The following KRT80 variants were observed in gnomAD, a reference collection of about 807,000 sequenced individuals.
KRT80 encodes keratin, type II cytoskeletal 80.
A neutral mutation model predicts 51.5 loss-of-function variants in KRT80; 36 were observed. That is an observed-to-expected ratio of 0.70 (90% CI 0.54 to 0.92). KRT80 has a LOEUF of 0.92. KRT80 is among the 40% of genes least tolerant of loss of function. The pLI is 0.00. For synonymous variants in KRT80, 235 were observed against 248.3 expected (o/e 0.95, Z 0.50); for missense variants, 566 against 591.7 (o/e 0.96, Z 0.45).
At chr12:52,177,372 T>C (rs748832352) in intron 4 of KRT80, among the ~76,000 whole-genome samples, 1 of 152,170 alleles carries the variant, frequency 6.6e-6, no homozygotes, top group Non-Finnish European at 1.5e-5. Context: ...TGTGCCTGGC[T>C]GCAGGGGGTT....
intron 3 of KRT80, 70 bp from the exon 4 acceptor site, chr12:52,180,678 G>C (rs1183213941): frequency 3.0e-5 from 47 of 1,579,430 alleles, no homozygotes; most frequent in Non-Finnish European, 4.0e-5. Context: ...TGGGCTGGGG[G>C]GCTGCCTCCT....
chr12:52,181,815 G>A (rs1013097699), intron 2 of KRT80, among the ~76,000 whole-genome samples: 1 of 152,216 alleles, frequency 6.6e-6, no homozygotes, highest in African/African-American at 2.4e-5. Context: ...CCCCAGGGTG[G>A]GTGTCTGCTG....
At chr12:52,188,862 G>A (rs764384748) in intron 1 of KRT80, among the ~76,000 whole-genome samples, 3 of 152,150 alleles carry the variant, frequency 2.0e-5, no homozygotes, top group South Asian at 2.1e-4. Flanking sequence ...TCGGCCTTGC[G>A]CCCTCCCTGC....
intron 1 of KRT80, among the ~76,000 whole-genome samples, chr12:52,188,972 C>T (rs947058119): frequency 6.6e-6 from 1 of 152,184 alleles, no homozygotes. Context: ...TCAGGACCAC[C>T]GGCAGAGCAG....
intron 3 of KRT80, 145 bp downstream of exon 3, chr12:52,180,758 G>A: frequency 1.3e-6 from 2 of 1,586,280 alleles, no homozygotes; most frequent in Non-Finnish European, 1.7e-6. Flanking sequence ...GATGGGGATG[G>A]GGGTATCTCC....
intron 2 of KRT80, among the ~76,000 whole-genome samples, chr12:52,183,628 G>A (rs888117938): frequency 5.9e-5 from 9 of 152,372 alleles, no homozygotes; most frequent in South Asian, 4.1e-4. Flanking sequence ...GGTAGCAGGC[G>A]GATAGAAACC....
In KRT80 at chr12:52,173,669, C is replaced by A. The variant is rs758208774; in HGVS notation, c.762G>T (p.Glu254Asp). The change falls in exon 5 of 9, where the codon GAG (glutamate) becomes GAT (aspartate). Residue 254 changes from glutamate to aspartate, a missense_variant. Coordinates refer to ENST00000394815, the MANE Select transcript of KRT80 (RefSeq NM_182507.3). ...CHIDLSGIVE[E>D]VKAQYDAVAA... ...CGACGGCGTCATACTGGGCCTTCAC[C>A]TCCTCCACGATGCCGCTCAGGTCGA... is the stretch of plus-strand genomic sequence containing the variant. 2 of 1,613,198 alleles carry A rather than the reference C, an allele frequency of 1.2e-6. No individual in the cohort carries two copies. Among genetic ancestry groups the A allele is most frequent in the East Asian group, 4.5e-5 (2 of 44,882 alleles).
In KRT80 at chr12:52,185,501, C is replaced by T. The variant is rs749259657; in HGVS notation, c.387G>A (p.Gly129=). 3 of 1,613,872 alleles carry T rather than the reference C, an allele frequency of 1.9e-6. No homozygotes were observed. Among genetic ancestry groups the T allele is most frequent in the Non-Finnish European group, 2.5e-6 (3 of 1,180,022 alleles). The change falls in exon 2 of 9, where the codon GGG becomes GGA. Residue 129 remains glycine (G), a synonymous_variant. Transcript: ENST00000394815. ...GGCCCTGATATTCCTCATAGAGATG[C>T]CCGAGGTCGAAGATGGCTGAGTCCT... ...QGQDSAIFDL[G]HLYEEYQGRL...
At chr12:52,172,976 C>T in intron 6 of KRT80, 62 bp downstream of exon 6, 3 of 1,558,372 alleles carry the variant, frequency 1.9e-6, no homozygotes, top group South Asian at 2.4e-5. Flanking sequence ...GTATTCAGCA[C>T]ACATGACTGT....
chr12:52,191,504 G>A, intron 1 of KRT80, 99 bp downstream of exon 1: 2 of 1,212,054 alleles, frequency 1.7e-6, no homozygotes, highest in Admixed American at 2.3e-5. Context: ...CTGGGTGCAG[G>A]GGTGGGGCGC....
rs773346097 is a variant in KRT80, at chr12:52,172,285, C to T, written c.1091G>A (p.Arg364His). ...QAKQDMARQL[R>H]KYQELMNVKL... is the part of the protein sequence containing the mutation. The stretch of plus-strand genomic sequence containing the variant: ...GACGTTCATCAGCTCCTGGTACTTG[C>T]GCAGCTGCCGCGCCATGTCCTGCTT... Residue 364 changes from arginine (R) to histidine (H), a missense_variant, in exon 7 of 9, where the codon CGC becomes CAC. Physicochemically the swap from Arg to His is conservative, Grantham distance 29 (BLOSUM62 0). Transcript: ENST00000394815. 52 of 1,613,938 alleles carry T rather than the reference C, an allele frequency of 3.2e-5. No individual in the cohort carries two copies. The Middle Eastern group carries it at 1.8e-3, about 57-fold the overall frequency.
At chr12:52,171,556 G>T in intron 8 of KRT80, 34 bp from the exon 9 acceptor site, 2 of 1,613,864 alleles carry the variant, frequency 1.2e-6, no homozygotes, top group South Asian at 2.2e-5. Context: ...GGAGGGAAGG[G>T]GCTGGAGGTT....
chr12:52,188,854 G>A (rs946408360), intron 1 of KRT80, among the ~76,000 whole-genome samples: 4 of 152,280 alleles, frequency 2.6e-5, no homozygotes, highest in African/African-American at 7.2e-5. Context: ...GCTGGAGGTC[G>A]GCCTTGCGCC....
chr12:52,174,737 A>G (rs539413737), intron 4 of KRT80, among the ~76,000 whole-genome samples: 1 of 152,184 alleles, frequency 6.6e-6, no homozygotes, highest in Non-Finnish European at 1.5e-5. Context: ...GCGGATGGAG[A>G]CAAGGGGCTG....
At chr12:52,189,914 G>C (rs184469291) in intron 1 of KRT80, among the ~76,000 whole-genome samples, 219 of 152,342 alleles carry the variant, frequency 1.4e-3, no homozygotes, top group Non-Finnish European at 2.1e-3. Flanking sequence ...GGTGATATCA[G>C]TGCTGGCGTT....
Position 52,171,364 on chromosome 12 carries a change from T to C in KRT80, c.*34A>G, listed in dbSNP as rs748634796. On this transcript the variant is annotated 3_prime_UTR_variant, in exon 9 of 9. Coordinates refer to ENST00000394815, the MANE Select transcript of KRT80 (RefSeq NM_182507.3). Reference sequence around the variant, plus strand: ...CTAGCTTAAGTCCCTCCTGCTGCAGTGGAGTGCCCTGGGGTTCCTGGGGTC... The same window carrying C: ...CTAGCTTAAGTCCCTCCTGCTGCAGCGGAGTGCCCTGGGGTTCCTGGGGTC... 2 of 1,540,710 alleles carry C rather than the reference T, an allele frequency of 1.3e-6. No homozygotes were observed. Among genetic ancestry groups the C allele is most frequent in the African/African-American group, 2.8e-5 (2 of 72,418 alleles).
In KRT80 at chr12:52,171,377, G is replaced by A; in HGVS notation, c.*21C>T. 1.3e-6 allele frequency: 2 copies of A among 1,560,798 alleles called. No homozygotes were observed. The highest frequency in any genetic ancestry group is 1.7e-6 in the Non-Finnish European group (2 of 1,153,970). On this transcript the variant is annotated 3_prime_UTR_variant, in exon 9 of 9. Coordinates refer to ENST00000394815, the MANE Select transcript of KRT80 (RefSeq NM_182507.3). Reference sequence around the variant, plus strand: ...CTCCTGCTGCAGTGGAGTGCCCTGGGGTTCCTGGGGTCCAGCCGCCTTACT... The same window carrying A: ...CTCCTGCTGCAGTGGAGTGCCCTGGAGTTCCTGGGGTCCAGCCGCCTTACT...
chr12:52,171,512 T>A lies in KRT80; in HGVS notation c.1245A>T (p.Arg415Ser). ...VQSRCKTAAS[R>S]SGLSKAPSRK... ...GGGAGGGGGCCTTGGAGAGGCCTGA[T>A]CTGGAGGCAGCTACAGGGAACATAA... Residue 415 changes from arginine to serine, a missense_variant, in exon 9 of 9, where the codon AGA (arginine) becomes AGT (serine). Physicochemically the swap from Arg to Ser is moderately radical, Grantham distance 110 (BLOSUM62 -1). Coordinates refer to ENST00000394815, the MANE Select transcript of KRT80 (RefSeq NM_182507.3). 1 of 1,613,560 alleles carries A rather than the reference T, an allele frequency of 6.2e-7. No individual in the cohort carries two copies. Among genetic ancestry groups the A allele is most frequent in the Non-Finnish European group, 8.5e-7 (1 of 1,179,758 alleles).
At chr12:52,188,398 G>A (rs776526561) in intron 1 of KRT80, among the ~76,000 whole-genome samples, 2 of 152,222 alleles carry the variant, frequency 1.3e-5, no homozygotes, top group Non-Finnish European at 2.9e-5. Flanking sequence ...TGTTTTGTGG[G>A]GGAAACCGAG....
Sources: allele counts gnomAD v4.1 joint callset (sites outside exome capture counted in the v4.1 genomes callset), GRCh38; gene constraint gnomAD v4.1.1; transcripts MANE v1.5; gene names NCBI Gene and HGNC (gene_info 2026-07-23, HGNC 2026-07-21).